Variants in DPY19L1 observed in about 807,000 individuals in gnomAD.
DPY19L1 encodes dpy-19 like C-mannosyltransferase 1, also known as protein C-mannosyl-transferase DPY19L1.
In DPY19L1, 35 loss-of-function variants were observed where a neutral mutation model predicts 96.9. That is an observed-to-expected ratio of 0.36 (90% CI 0.28 to 0.48). DPY19L1 has a LOEUF of 0.48. DPY19L1 is among the 20% of genes least tolerant of loss of function. The pLI is 0.99. For synonymous variants in DPY19L1, 205 were observed against 252.6 expected (o/e 0.81, Z 1.79); for missense variants, 521 against 777.9 (o/e 0.67, Z 3.93).
chr7:34,960,575 A>G (rs1319983694), intron 10 of DPY19L1, among the ~76,000 whole-genome samples: 1 of 152,124 alleles, frequency 6.6e-6, no homozygotes, highest in African/African-American at 2.4e-5. Context: ...ATATTTTTAC[A>G]TTTTCCTTTG....
At chr7:34,945,766 A>G in intron 15 of DPY19L1, 50 bp from the exon 16 acceptor site, 6 of 1,257,570 alleles carry the variant, frequency 4.8e-6, no homozygotes, top group Non-Finnish European at 6.9e-6. Context: ...GGGAAAAATG[A>G]TATTTTAAAT....
At chr7:34,941,455 A>G (rs1784013334) in intron 18 of DPY19L1, among the ~76,000 whole-genome samples, 1 of 152,236 alleles carries the variant, frequency 6.6e-6, no homozygotes, top group African/African-American at 2.4e-5. Flanking sequence ...TCTTTGTGAT[A>G]TGAATGTCAA....
intron 1 of DPY19L1, among the ~76,000 whole-genome samples, chr7:35,028,835 C>A (rs1255788301): frequency 6.6e-6 from 1 of 152,182 alleles, no homozygotes; most frequent in African/African-American, 2.4e-5. Context: ...ACTGAGGGTT[C>A]CTCCCCTTTT....
chr7:34,985,385 A>G (rs1785025816), intron 7 of DPY19L1, among the ~76,000 whole-genome samples: 1 of 152,186 alleles, frequency 6.6e-6, no homozygotes, highest in South Asian at 2.1e-4. Flanking sequence ...CAGAGTGTAC[A>G]GTCAACCCGA....
At chr7:34,951,171 A>C (rs2128784670) in intron 13 of DPY19L1, among the ~76,000 whole-genome samples, 1 of 152,218 alleles carries the variant, frequency 6.6e-6, no homozygotes, top group East Asian at 1.9e-4. Context: ...TACACAGAAT[A>C]AGAACTGACA....
intron 14 of DPY19L1, among the ~76,000 whole-genome samples, chr7:34,948,895 A>G (rs1018027853): frequency 1.3e-4 from 20 of 152,160 alleles, no homozygotes; most frequent in Non-Finnish European, 2.6e-4. Context: ...AACACACTCA[A>G]CTCCAAATGG....
chr7:34,936,541 T>C (rs1313127049), intron 21 of DPY19L1, among the ~76,000 whole-genome samples: 1 of 152,248 alleles, frequency 6.6e-6, no homozygotes, highest in Non-Finnish European at 1.5e-5. Context: ...GTTCTTCCTA[T>C]TGCAAATGTC....
intron 1 of DPY19L1, among the ~76,000 whole-genome samples, chr7:35,031,968 A>C (rs1786270697): frequency 6.6e-6 from 1 of 152,128 alleles, no homozygotes; most frequent in African/African-American, 2.4e-5. Context: ...AGTTGGGTCT[A>C]TGTGTCTGTT....
chr7:35,019,531 A>G (rs329241), intron 1 of DPY19L1, among the ~76,000 whole-genome samples: 86,030 of 151,442 alleles, frequency 0.57, 24,740 homozygotes, highest in Admixed American at 0.7. Flanking sequence ...GGAAGAAGAG[A>G]AGGAGAAGGA....
intron 1 of DPY19L1, 100 bp from the exon 2 acceptor site, chr7:35,018,696 G>A (rs1467964392): frequency 1.9e-6 from 2 of 1,076,534 alleles, no homozygotes; most frequent in East Asian, 2.5e-5. Flanking sequence ...ATTGAAATGT[G>A]TAAAAAAGAA....
intron 8 of DPY19L1, among the ~76,000 whole-genome samples, chr7:34,970,761 C>G (rs1414399570): frequency 7.0e-6 from 1 of 143,504 alleles, no homozygotes; most frequent in Non-Finnish European, 1.5e-5. Flanking sequence ...TAGGAGTGAA[C>G]AGAAAACAAA....
chr7:35,034,008 G>T (rs1309383543), intron 1 of DPY19L1, among the ~76,000 whole-genome samples: 2 of 152,040 alleles, frequency 1.3e-5, no homozygotes, highest in Non-Finnish European at 2.9e-5. Flanking sequence ...CAATGCTGAG[G>T]TTGCAAAGCC....
chr7:34,954,683 A>T lies in DPY19L1; in HGVS notation c.1320+15T>A. 1 of 1,480,074 alleles carries T rather than the reference A, an allele frequency of 6.8e-7. No individual in the cohort carries two copies. Among genetic ancestry groups the T allele is most frequent in the East Asian group, 2.3e-5 (1 of 43,302 alleles). The allele number at this position is 1,480,074 out of a possible 1,614,324, so 91.7% of individuals were successfully genotyped here. A position where few individuals can be genotyped will look rare whatever the true frequency, so the allele number is the denominator to read the frequency against. On this transcript the variant is annotated intron_variant, in intron 13 of 21. Coordinates refer to ENST00000638088, the MANE Select transcript of DPY19L1 (RefSeq NM_001366673.1). ...CTTTTCAAGTCTTTCAAATTTAAGT[A>T]AAAAATGCACTTACGTCATCTGCAA...
chr7:34,935,793 C>G (rs573482007), intron 21 of DPY19L1, among the ~76,000 whole-genome samples: 30 of 151,868 alleles, frequency 2.0e-4, no homozygotes, highest in African/African-American at 5.3e-4. Context: ...ACTTCCTACT[C>G]TAAATGTAAA....
intron 1 of DPY19L1, among the ~76,000 whole-genome samples, chr7:35,021,422 T>C (rs1408765131): frequency 2.0e-5 from 3 of 152,238 alleles, no homozygotes; most frequent in Admixed American, 2.0e-4. Context: ...CCTGACACTC[T>C]TTCACAGTCT....
intron 1 of DPY19L1, among the ~76,000 whole-genome samples, chr7:35,029,833 C>T (rs960616190): frequency 6.6e-6 from 1 of 152,154 alleles, no homozygotes; most frequent in African/African-American, 2.4e-5. Context: ...GTGCCTTTGA[C>T]AGATGCCTTA....
upstream of DPY19L1, chr7:35,037,952 A>C: frequency 8.3e-7 from 1 of 1,201,810 alleles, no homozygotes; most frequent in Non-Finnish European, 1.0e-6. Flanking sequence ...CGCTGATTCA[A>C]GTTTCGGAGC....
rs527345752 is a variant in DPY19L1, at chr7:35,014,797, T to C, written c.412-1092A>G. Among the ~76,000 whole-genome samples, 10 of 152,140 alleles carry C rather than the reference T, an allele frequency of 6.6e-5. 1 individual carries two copies. In the Middle Eastern group the frequency reaches 0.01, roughly 155 times the overall value. On this transcript the variant is annotated intron_variant, in intron 3 of 21. Transcript: ENST00000638088. ...GTGATCAAGTTAAGATGAGGTCATA[T>C]TGGATTAAGGTGGACTCTAAACCCA...
At chr7:34,940,369 G>C in intron 18 of DPY19L1, 42 bp from the exon 19 acceptor site, 1 of 1,551,596 alleles carries the variant, frequency 6.4e-7, no homozygotes, top group South Asian at 1.2e-5. Flanking sequence ...GTTAGTATAA[G>C]TAGTATGCAT....
Sources: allele counts gnomAD v4.1 joint callset (sites outside exome capture counted in the v4.1 genomes callset), GRCh38; gene constraint gnomAD v4.1.1; transcripts MANE v1.5; gene names NCBI Gene and HGNC (gene_info 2026-07-23, HGNC 2026-07-21).